Variants in FLNC observed in about 807,000 individuals in gnomAD.
FLNC encodes the protein filamin-C.
FLNC carries 91 observed loss-of-function variants against 254.3 expected under a neutral mutation model. The ratio of observed to expected loss-of-function variants is 0.36; its 90% CI spans 0.30 to 0.43. The LOEUF is 0.43. Ranked by LOEUF, FLNC falls within the 20% of genes least tolerant of loss-of-function variation. FLNC has a pLI of 1.00. For synonymous variants in FLNC, 1,430 were observed against 1,577.2 expected, an observed-to-expected ratio of 0.91 and a Z score of 2.21; for missense variants, 2,853 against 3,802.6, an observed-to-expected ratio of 0.75 and a Z score of 6.57.
intron 43 of FLNC, 124 bp downstream of exon 43, chr7:128,855,438 T>C (rs1809016277): frequency 1.2e-5 from 9 of 724,918 alleles, no homozygotes; most frequent in South Asian, 1.2e-4. Flanking sequence ...AGGAGTCCCT[T>C]CTCATAAGGC....
Position 128,842,735 on chromosome 7 carries a change from CG to C in FLNC, c.2389+42del, listed in dbSNP as rs376366734. On this transcript the variant is annotated intron_variant, in intron 15 of 47. Transcript: ENST00000325888. The surrounding 1 kb of genome is among the most constrained non-coding windows in gnomAD (Gnocchi z 5.4). ...CGGAAGGGGTGGGTCTGGGAGGGGG[CG>C]GGGGTGAGTCGAGTCGGGGGCTGAG... 7.4e-6 allele frequency: 11 copies of C among 1,484,500 alleles called. No individual in the cohort carries two copies. The highest frequency in any genetic ancestry group is 1.7e-4 in the Middle Eastern group (1 of 5,780). 92.0% of individuals were successfully genotyped at this position (1,484,500 alleles called of 1,614,324 possible). A position where few individuals can be genotyped will look rare whatever the true frequency, so the allele number is the denominator to read the frequency against.
Position 128,853,943 on chromosome 7 carries a change from C to T in FLNC, c.6485-31C>T, listed in dbSNP as rs775153764. 5.0e-6 allele frequency: 8 copies of T among 1,613,316 alleles called. No individual in the cohort carries two copies. In the South Asian group the frequency reaches 6.6e-5, roughly 13 times the overall value. Reference sequence around the variant, plus strand: ...CCCTGCTTCCTCACCCCTCGCTTCCCTCCCTCACCCTGGCTCCCTTGACCA... The same window carrying T: ...CCCTGCTTCCTCACCCCTCGCTTCCTTCCCTCACCCTGGCTCCCTTGACCA... On this transcript the variant is annotated intron_variant, in intron 39 of 47. Transcript: ENST00000325888.
At position 128,857,061 on chromosome 7, in the gene FLNC, G is replaced by T; in HGVS notation, c.7562-57G>T. ...AGGCTGTCCAGGGAGCTGGGGCCCA[G>T]TCCCTCTTGGGCCACAAGCCCTTCC... On this transcript the variant is annotated intron_variant, in intron 45 of 47. Coordinates refer to ENST00000325888, the MANE Select transcript of FLNC (RefSeq NM_001458.5). This position sits in a 1 kb window ranked among gnomAD's most constrained non-coding sequence, Gnocchi z 4.5. The T allele has an allele frequency of 1.3e-6, 2 of 1,578,622 alleles. No homozygotes were observed. Among genetic ancestry groups the T allele is most frequent in the Non-Finnish European group, 8.7e-7 (1 of 1,148,630 alleles).
Position 128,849,938 on chromosome 7 carries a change from G to A in FLNC, c.5200-38G>A, listed in dbSNP as rs763087587. 1.1e-5 allele frequency: 15 copies of A among 1,413,838 alleles called. No individual in the cohort carries two copies. The South Asian group carries it at 1.8e-4, about 17-fold the overall frequency. 87.6% of individuals were successfully genotyped at this position (1,413,838 alleles called of 1,614,324 possible). A position where few individuals can be genotyped will look rare whatever the true frequency, so the allele number is the denominator to read the frequency against. ...CTGAGTCAGCCCCTAGGCCTGTGAG[G>A]CTGCCACACCCTGTGCCCCCGTGCC... On this transcript the variant is annotated intron_variant, in intron 30 of 47. Transcript: ENST00000325888.
Position 128,849,304 on chromosome 7 carries a change from C to T in FLNC, c.4952-27C>T, listed in dbSNP as rs748512687. On this transcript the variant is annotated intron_variant, in intron 29 of 47. Transcript: ENST00000325888. ...GAGGGCTGGCTCCAGCCCACCAGCT[C>T]CCTGAGCAGGATCTCCCGCATGGCA... The T allele has an allele frequency of 1.8e-5, 29 of 1,613,990 alleles. No individual in the cohort carries two copies. In the Middle Eastern group the frequency reaches 6.6e-4, roughly 37 times the overall value.
chr7:128,854,857 A>G lies in FLNC; in HGVS notation c.7080A>G (p.Ala2360=), dbSNP rs1554401489. 1.9e-6 allele frequency: 3 copies of G among 1,614,084 alleles called. No individual in the cohort carries two copies. Among genetic ancestry groups the G allele is most frequent in the African/African-American group, 1.3e-5 (1 of 75,018 alleles). ...AVEGPSKAEI[A]FEDRKDGSCG... ...AGGGTCCTAGCAAAGCGGAGATTGC[A>G]TTTGAGGATCGCAAAGATGGCTCCT... is the stretch of plus-strand genomic sequence containing the variant. Residue 2360 remains alanine (A), a synonymous_variant, in exon 42 of 48, where the codon GCA becomes GCG. Transcript: ENST00000325888.
Position 128,853,163 on chromosome 7 carries a change from G to C in FLNC, c.6208+132G>C, listed in dbSNP as rs149062539. 14 of 961,794 alleles carry C rather than the reference G, an allele frequency of 1.5e-5. No individual in the cohort carries two copies. In the South Asian group the frequency reaches 1.9e-4, roughly 13 times the overall value. The allele number at this position is 961,794 out of a possible 1,614,324, so 59.6% of individuals were successfully genotyped here. Reference sequence around the variant, plus strand: ...TCCTGACCAGTCTGCGTCAGGATTCGCATTCTGGGGCCCCTTGCGGGAAAG... The same window carrying C: ...TCCTGACCAGTCTGCGTCAGGATTCCCATTCTGGGGCCCCTTGCGGGAAAG... On this transcript the variant is annotated intron_variant, in intron 37 of 47. Coordinates refer to ENST00000325888, the MANE Select transcript of FLNC (RefSeq NM_001458.5).
In FLNC at chr7:128,836,810, G is replaced by A. The variant is rs1808109666; in HGVS notation, c.602-350G>A. Among the ~76,000 whole-genome samples the A allele has an allele frequency of 6.6e-6, 1 of 152,202 alleles. No individual in the cohort carries two copies. The highest frequency in any genetic ancestry group is 1.5e-5 in the Non-Finnish European group (1 of 68,026). On this transcript the variant is annotated intron_variant, in intron 2 of 47. Coordinates refer to ENST00000325888, the MANE Select transcript of FLNC (RefSeq NM_001458.5). The surrounding 1 kb of genome is among the most constrained non-coding windows in gnomAD (Gnocchi z 6.0). ...TCTGACCTCCTCTGCCCACCCCTGA[G>A]AAAGCTGAATGAGGCAAGAGATAGC...
Position 128,847,826 on chromosome 7 carries a change from G to A in FLNC, c.4418G>A (p.Gly1473Asp), listed in dbSNP as rs1174959724. 4 of 1,613,630 alleles carry A rather than the reference G, an allele frequency of 2.5e-6. No homozygotes were observed. Among genetic ancestry groups the A allele is most frequent in the Non-Finnish European group, 3.4e-6 (4 of 1,179,752 alleles). Residue 1473 changes from glycine to aspartate, a missense_variant, in exon 25 of 48, where the codon GGC becomes GAC. Coordinates refer to ENST00000325888, the MANE Select transcript of FLNC (RefSeq NM_001458.5). ...TTCACAGTGGATTGCAGTCAAGCTG[G>A]CCGGGCGCCCCTGCAGGTGGCTGTG... is the stretch of plus-strand genomic sequence containing the variant. ...QTFTVDCSQA[G>D]RAPLQVAVLG...
At chr7:128,851,863 ATTTGT>A (rs542536486) in intron 35 of FLNC, among the ~76,000 whole-genome samples, 19 of 152,196 alleles carry the variant, frequency 1.2e-4, no homozygotes, top group African/African-American at 4.6e-4. Context: ...CTTTGAAGTC[ATTTGT>A]TTTGTTTTTG....
At chr7:128,853,350 T>C (rs932658860) in intron 37 of FLNC, 119 bp from the exon 38 acceptor site, 7 of 1,300,528 alleles carry the variant, frequency 5.4e-6, no homozygotes, top group African/African-American at 4.4e-5. Flanking sequence ...CCATTTTTGT[T>C]AGTGGTCACT....
rs776554557 is a variant in FLNC, at chr7:128,838,436, C to T, written c.1210+7C>T. 8.5e-6 allele frequency: 13 copies of T among 1,534,816 alleles called. No homozygotes were observed. The highest frequency in any genetic ancestry group is 1.8e-4 in the Middle Eastern group (1 of 5,712). Reference sequence around the variant, plus strand: ...TTTGACATCTACACTGCGGGTAGGACGGGCCCCAGGGGGTGCAGGTGGAAA... The same window carrying T: ...TTTGACATCTACACTGCGGGTAGGATGGGCCCCAGGGGGTGCAGGTGGAAA... On this transcript the variant is annotated splice_region_variant and intron_variant, in intron 7 of 47. Transcript: ENST00000325888.
rs61044960 is a variant in FLNC at position 128,852,503 on chromosome 7, G to C, written c.5843-88G>C. 124,030 of 1,500,782 alleles carry C rather than the reference G, an allele frequency of 0.083. 13,999 individuals are homozygous for C. The highest frequency in any genetic ancestry group is 0.47 in the African/African-American group (33,948 of 72,480). The allele number at this position is 1,500,782 out of a possible 1,614,324, so 93.0% of individuals were successfully genotyped here. On this transcript the variant is annotated intron_variant, in intron 35 of 47. Transcript: ENST00000325888. ...GGCCCCCCGTGTCTGTTGAGTCCAGGGGGGGCTGCTCAGGAGGGTTCCTGA... is the reference window on the plus strand; with the variant it reads ...GGCCCCCCGTGTCTGTTGAGTCCAGCGGGGGCTGCTCAGGAGGGTTCCTGA...
At chr7:128,853,935 T>G (rs1220580175) in intron 39 of FLNC, 39 bp from the exon 40 acceptor site, 9 of 1,613,134 alleles carry the variant, frequency 5.6e-6, no homozygotes, top group Middle Eastern at 3.3e-4. Context: ...TCCTCACCCC[T>G]CGCTTCCCTC....
chr7:128,845,634 C>T (rs960324948), intron 21 of FLNC, among the ~76,000 whole-genome samples: 1 of 152,072 alleles, frequency 6.6e-6, no homozygotes, highest in Non-Finnish European at 1.5e-5. Context: ...GGGAATGGGC[C>T]ATCTGCCAGG....
rs753742681 is a variant in FLNC, at chr7:128,848,845, C to T, written c.4790C>T (p.Thr1597Met). ...AACATCCGGGACAATGGGGATGGCA[C>T]GTACACTGTGTCCTACCTGCCGGAC... Reference protein sequence around the residue: ...KANIRDNGDGTYTVSYLPDMS... With the variant: ...KANIRDNGDGMYTVSYLPDMS... The change falls in exon 28 of 48, where the codon ACG becomes ATG. Residue 1597 changes from threonine (T) to methionine (M), a missense_variant. Physicochemically the swap from Thr to Met is moderately conservative, Grantham distance 81. Around this residue, in one of 10 missense-constraint regions of FLNC, gnomAD observed 1,573 missense variants for 1,883.5 expected, o/e 0.84. Transcript: ENST00000325888. 1.5e-5 allele frequency: 25 copies of T among 1,614,014 alleles called. No individual in the cohort carries two copies. The highest frequency in any genetic ancestry group is 2.2e-5 in the East Asian group (1 of 44,896).
chr7:128,843,642 C>T, intron 18 of FLNC, 65 bp downstream of exon 18: 2 of 1,580,038 alleles, frequency 1.3e-6, no homozygotes, highest in South Asian at 1.1e-5. Context: ...CTCCCTCCTC[C>T]AGTCCCATGG....
rs527417498 is a variant in FLNC at position 128,841,577 on chromosome 7, T to C, written c.2121+10T>C. 15 of 1,602,344 alleles carry C rather than the reference T, an allele frequency of 9.4e-6. No homozygotes were observed. In the South Asian group the frequency reaches 1.7e-4, roughly 18 times the overall value. On this transcript the variant is annotated intron_variant, in intron 13 of 47. Coordinates refer to ENST00000325888, the MANE Select transcript of FLNC (RefSeq NM_001458.5). This position sits in a 1 kb window ranked among gnomAD's most constrained non-coding sequence, Gnocchi z 4.3. ...GAAGCTCTATGCCCAGGTAGGTCATTGTCCAGTCTCTGCTGCCCTTACTAC... is the reference window on the plus strand; with the variant it reads ...GAAGCTCTATGCCCAGGTAGGTCATCGTCCAGTCTCTGCTGCCCTTACTAC...
Position 128,857,153 on chromosome 7 carries a change from G to C in FLNC, c.7597G>C (p.Ala2533Pro), listed in dbSNP as rs370419207. Reference sequence around the variant, plus strand: ...AGAGTTCATCGTGAACACCCTGAATGCCGGCTCGGGGGCCTTGTCTGTCAC... The same window carrying C: ...AGAGTTCATCGTGAACACCCTGAATCCCGGCTCGGGGGCCTTGTCTGTCAC... ...SSEFIVNTLN[A>P]GSGALSVTID... Residue 2533 changes from alanine to proline, a missense_variant, in exon 46 of 48, where the codon GCC becomes CCC. By Grantham distance (27) the Ala-to-Pro change is conservative. This residue lies in a region of FLNC where 197 missense variants were observed against 351.5 expected (regional missense o/e 0.56). Coordinates refer to ENST00000325888, the MANE Select transcript of FLNC (RefSeq NM_001458.5). The surrounding 1 kb of genome is among the most constrained non-coding windows in gnomAD (Gnocchi z 4.5). The C allele has an allele frequency of 6.2e-7, 1 of 1,614,130 alleles. No individual in the cohort carries two copies. Among genetic ancestry groups the C allele is most frequent in the Non-Finnish European group, 8.5e-7 (1 of 1,180,026 alleles).
Sources: allele counts gnomAD v4.1 joint callset (sites outside exome capture counted in the v4.1 genomes callset), GRCh38; gene constraint gnomAD v4.1.1; regional missense constraint gnomAD v4.1.1; non-coding constraint Gnocchi (gnomAD v3.1); transcripts MANE v1.5; gene names NCBI Gene and HGNC (gene_info 2026-07-23, HGNC 2026-07-21).